Variants in TBC1D30 observed in about 807,000 individuals in gnomAD.
TBC1D30 encodes TBC1 domain family, member 30.
In TBC1D30, 31 loss-of-function variants were observed where a neutral mutation model predicts 63.2. The observed-to-expected ratio is 0.49, with a 90% CI of 0.37 to 0.66. The LOEUF (loss-of-function observed/expected upper bound fraction) is 0.66, where lower values mean the gene tolerates loss of function less well. Ranked by LOEUF, TBC1D30 falls within the 30% of genes least tolerant of loss-of-function variation. The pLI is 0.00. For missense variants in TBC1D30, 810 were observed against 953.6 expected, an observed-to-expected ratio of 0.85 and a Z score of 1.98; for synonymous variants, 307 against 361.5, an observed-to-expected ratio of 0.85 and a Z score of 1.71.
intron 2 of TBC1D30, among the ~76,000 whole-genome samples, chr12:64,800,062 C>T (rs1436553169): frequency 2.0e-5 from 3 of 152,092 alleles, no homozygotes; most frequent in Non-Finnish European, 4.4e-5. Context: ...GCTGAGATCG[C>T]GTCATTACAC....
chr12:64,802,824 AC>A (rs2136318751), intron 2 of TBC1D30, among the ~76,000 whole-genome samples: 1 of 152,114 alleles, frequency 6.6e-6, no homozygotes, highest in Non-Finnish European at 1.5e-5. Context: ...AAGGACATGA[AC>A]TCATCCTTTT....
chr12:64,776,790 C>G (rs1484570938), upstream of TBC1D30, among the ~76,000 whole-genome samples: 2 of 152,128 alleles, frequency 1.3e-5, no homozygotes, highest in Admixed American at 1.3e-4. Context: ...CAAAACCTGG[C>G]AGAGATACAA....
At chr12:64,768,017 A>G (rs1489460106) in intron 1 of TBC1D30, among the ~76,000 whole-genome samples, 1 of 152,170 alleles carries the variant, frequency 6.6e-6, no homozygotes, top group African/African-American at 2.4e-5. Flanking sequence ...ACCAGCCCAT[A>G]TATGAAAGGC....
intron 11 of TBC1D30, among the ~76,000 whole-genome samples, chr12:64,874,181 C>T (rs181720271): frequency 3.9e-5 from 6 of 152,298 alleles, no homozygotes; most frequent in East Asian, 3.9e-4. Context: ...CTTCACCTTC[C>T]GGGTTCAAGC....
At chr12:64,782,539 C>A (rs1379220203) in intron 1 of TBC1D30, among the ~76,000 whole-genome samples, 1 of 152,162 alleles carries the variant, frequency 6.6e-6, no homozygotes, top group Non-Finnish European at 1.5e-5. Flanking sequence ...TCCCATAGGG[C>A]AATAGTTCTT....
At chr12:64,793,489 C>CAAAAAAA (rs56138627) in intron 2 of TBC1D30, among the ~76,000 whole-genome samples, 1 of 115,488 alleles carries the variant, frequency 8.7e-6, no homozygotes. Flanking sequence ...ACCAAAAATA[C>CAAAAAAA]AAAAAAAAAA....
At chr12:64,864,380 T>C (rs1319865366) in intron 8 of TBC1D30, among the ~76,000 whole-genome samples, 4 of 152,356 alleles carry the variant, frequency 2.6e-5, no homozygotes, top group African/African-American at 7.2e-5. Flanking sequence ...AATCCATTTA[T>C]TGAACAACAG....
At chr12:64,840,004 CAAAAAAA>C (rs60440376) in intron 7 of TBC1D30, among the ~76,000 whole-genome samples, 17 of 98,326 alleles carry the variant, frequency 1.7e-4, no homozygotes, top group African/African-American at 3.1e-4. Flanking sequence ...GACTCTGTCT[CAAAAAAA>C]AAAAAAAAAA....
intron 2 of TBC1D30, among the ~76,000 whole-genome samples, chr12:64,808,111 C>T (rs1476244905): frequency 6.6e-6 from 1 of 151,902 alleles, no homozygotes. Context: ...CCACCTTCCT[C>T]TCTCCTTCAG....
rs1033995920 is a variant in TBC1D30 at position 64,875,989 on chromosome 12, G to C, written c.*201G>C. ...TTTTCCCAGCTACTTGCTAACTGAC[G>C]AAGTGGATTCTTGTGGCAAAATAAA... On this transcript the variant is annotated 3_prime_UTR_variant, in exon 12 of 12. Coordinates refer to ENST00000539867, the MANE Select transcript of TBC1D30 (RefSeq NM_015279.2). 2 of 524,090 alleles carry C rather than the reference G, an allele frequency of 3.8e-6. No homozygotes were observed. The highest frequency in any genetic ancestry group is 6.5e-6 in the Non-Finnish European group (2 of 308,954). The allele number at this position is 524,090 out of a possible 1,614,324, so 32.5% of individuals were successfully genotyped here.
At chr12:64,823,616 C>T (rs543175562), upstream of TBC1D30, among the ~76,000 whole-genome samples, 16 of 152,168 alleles carry the variant, frequency 1.1e-4, no homozygotes, top group South Asian at 1.7e-3. Context: ...TGTGAGCCAC[C>T]GTGCCCAGAC....
Position 64,875,559 on chromosome 12 carries a change from C to T in TBC1D30, c.2057C>T (p.Pro686Leu), listed in dbSNP as rs117568419. ...TGCCAGCGGCACTGCCCAGAGCCGC[C>T]GAGTGCACCCGAAGAAAACAAAGCC... ...PPCQRHCPEP[P>L]SAPEENKATS... Residue 686 changes from proline to leucine, a missense_variant, in exon 12 of 12, where the codon CCG becomes CTG. This residue lies in a region of TBC1D30 where 450 missense variants were observed against 473.0 expected (regional missense o/e 0.95). Coordinates refer to ENST00000539867, the MANE Select transcript of TBC1D30 (RefSeq NM_015279.2). 1.7e-3 allele frequency: 2,639 copies of T among 1,536,088 alleles called. 4 individuals are homozygous for T. Among genetic ancestry groups the T allele is most frequent in the Non-Finnish European group, 2.1e-3 (2,428 of 1,146,900 alleles).
At chr12:64,855,335 A>G (rs1877211682) in intron 8 of TBC1D30, among the ~76,000 whole-genome samples, 1 of 152,054 alleles carries the variant, frequency 6.6e-6, no homozygotes, top group Non-Finnish European at 1.5e-5. Flanking sequence ...TTGGTGTTCT[A>G]TAACCTTCTT....
intron 2 of TBC1D30, among the ~76,000 whole-genome samples, chr12:64,808,482 A>G (rs1384335005): frequency 6.6e-6 from 1 of 152,192 alleles, no homozygotes; most frequent in African/African-American, 2.4e-5. Context: ...CATAAGATGA[A>G]CTATACCTTG....
At chr12:64,782,292 A>AT (rs1217082686) in intron 1 of TBC1D30, among the ~76,000 whole-genome samples, 6 of 147,842 alleles carry the variant, frequency 4.1e-5, no homozygotes, top group African/African-American at 1.6e-4. Context: ...TCCTCACTGT[A>AT]TTAAAAAAAA....
chr12:64,781,007 C>T (rs2136289002), exon 1 of TBC1D30: 1 of 1,038,914 alleles, frequency 9.6e-7, no homozygotes, highest in Non-Finnish European at 1.2e-6. Context: ...GGACACGGAG[C>T]CCGGCGAGGC....
intron 8 of TBC1D30, among the ~76,000 whole-genome samples, chr12:64,848,522 G>T (rs982266156): frequency 6.6e-6 from 1 of 152,122 alleles, no homozygotes; most frequent in Non-Finnish European, 1.5e-5. Flanking sequence ...AGAACCTGTG[G>T]TGTTTGGTTT....
At position 64,797,899 on chromosome 12, in the gene TBC1D30, T is replaced by C. The variant is rs1254222270; in HGVS notation, c.643+11854T>C. 2.0e-5 allele frequency among the ~76,000 whole-genome samples: 3 copies of C among 152,190 alleles called. No individual in the cohort carries two copies. The East Asian group carries it at 5.8e-4, about 29-fold the overall frequency. On this transcript the variant is annotated intron_variant, in intron 2 of 12. Coordinates refer to the TBC1D30 transcript ENST00000542120. ...CTTCCTTCATCAGGTTTTCCATCTCTGCTGGATGATTTCAACCAGTATAGA... is the reference window on the plus strand; with the variant it reads ...CTTCCTTCATCAGGTTTTCCATCTCCGCTGGATGATTTCAACCAGTATAGA...
rs561778443 is a variant in TBC1D30 at position 64,826,703 on chromosome 12, A to G, written c.155-1132A>G. Among the ~76,000 whole-genome samples, 5 of 152,262 alleles carry G rather than the reference A, an allele frequency of 3.3e-5. No homozygotes were observed. In the South Asian group the frequency reaches 8.3e-4, roughly 25 times the overall value. On this transcript the variant is annotated intron_variant, in intron 1 of 11. Transcript: ENST00000539867. ...AAAAAAAAAACTTATCTATCCAGGC[A>G]GAGTATGGTTATGGCCCTGAAGCTT... is the stretch of plus-strand genomic sequence containing the variant.
Sources: allele counts gnomAD v4.1 joint callset (sites outside exome capture counted in the v4.1 genomes callset), GRCh38; gene constraint gnomAD v4.1.1; regional missense constraint gnomAD v4.1.1; transcripts MANE v1.5; gene names NCBI Gene and HGNC (gene_info 2026-07-23, HGNC 2026-07-21).